The following SSBP3 variants were observed in gnomAD, a reference collection of about 807,000 sequenced individuals.
The protein encoded by SSBP3 is single stranded DNA binding protein 3.
A neutral mutation model predicts 69.6 loss-of-function variants in SSBP3; 5 were observed. The observed-to-expected ratio is 0.07, with a 90% CI of 0.04 to 0.15. SSBP3 has a LOEUF of 0.15. Ranked by LOEUF, SSBP3 falls within the 10% of genes least tolerant of loss-of-function variation. The pLI, the probability that SSBP3 is intolerant of heterozygous loss-of-function variation, is 1.00. For missense variants in SSBP3, 312 were observed against 534.0 expected, an observed-to-expected ratio of 0.58 and a Z score of 4.10; for synonymous variants, 196 against 193.4, an observed-to-expected ratio of 1.01 and a Z score of -0.11.
rs1557525437 is a variant in SSBP3 at position 54,316,668 on chromosome 1, ATAAATAAATAAAT to A, written c.277-35154_277-35142del. 7.2e-3 allele frequency among the ~76,000 whole-genome samples: 327 copies of A among 45,500 alleles called. 12 individuals carry two copies. The highest frequency in any genetic ancestry group is 8.7e-3 in the Non-Finnish European group (225 of 25,748). The allele number at this position is 45,500 out of a possible 152,430, so 29.8% of individuals were successfully genotyped here. ...GTCTCAAAAAAAAAAAATAAAATAAATAAATAAATAAATAAATAAATAAATAAATAAATAAATA... is the reference window on the plus strand; with the variant it reads ...GTCTCAAAAAAAAAAAATAAAATAAAAAATAAATAAATAAATAAATAAATA... On this transcript the variant is annotated intron_variant, in intron 4 of 17. Coordinates refer to ENST00000610401, the Ensembl canonical transcript of SSBP3.
chr1:54,354,381 CAATGGA>C (rs1646830051), intron 4 of SSBP3, among the ~76,000 whole-genome samples: 2 of 152,216 alleles, frequency 1.3e-5, no homozygotes, highest in African/African-American at 4.8e-5. Context: ...CTGGGACCCT[CAATGGA>C]CTCTGAGGGT....
intron 4 of SSBP3, among the ~76,000 whole-genome samples, chr1:54,354,475 G>T (rs1430254322): frequency 3.3e-5 from 5 of 152,116 alleles, no homozygotes; most frequent in Admixed American, 2.0e-4. Context: ...GGCCCTGCTG[G>T]ATCCTAGAGC....
chr1:54,352,877 A>G (rs1351888325), intron 4 of SSBP3, among the ~76,000 whole-genome samples: 2 of 152,162 alleles, frequency 1.3e-5, no homozygotes, highest in African/African-American at 4.8e-5. Context: ...AACACAATCC[A>G]TGGGGCTCAA....
intron 4 of SSBP3, among the ~76,000 whole-genome samples, chr1:54,369,223 G>GA (rs1016967309): frequency 6.6e-6 from 1 of 150,588 alleles, no homozygotes; most frequent in Non-Finnish European, 1.5e-5. Context: ...TGAGTCGGGG[G>GA]GGGGGCCCAA....
At chr1:54,412,097 A>G (rs1650007994) in intron 1 of SSBP3, among the ~76,000 whole-genome samples, 1 of 152,048 alleles carries the variant, frequency 6.6e-6, no homozygotes, top group African/African-American at 2.4e-5. Flanking sequence ...CTCCAAGGTA[A>G]AGGCTTCACT....
intron 5 of SSBP3, among the ~76,000 whole-genome samples, chr1:54,265,294 G>A (rs1326460363): frequency 6.6e-6 from 1 of 152,202 alleles, no homozygotes; most frequent in African/African-American, 2.4e-5. Context: ...TTGGAGAGGG[G>A]TTGTGTGAAG....
chr1:54,241,604 A>G, intron 11 of SSBP3, 95 bp from the exon 12 acceptor site: 2 of 1,355,568 alleles, frequency 1.5e-6, no homozygotes, highest in Non-Finnish European at 2.1e-6. Flanking sequence ...TTCACAGGAA[A>G]GGCATCGCCA....
intron 4 of SSBP3, among the ~76,000 whole-genome samples, chr1:54,357,551 C>G (rs1198178569): frequency 6.6e-6 from 1 of 152,214 alleles, no homozygotes; most frequent in East Asian, 1.9e-4. Context: ...ACCACCTCCA[C>G]CTCTCCCCCA....
intron 5 of SSBP3, among the ~76,000 whole-genome samples, chr1:54,262,180 G>A (rs1290017061): frequency 6.6e-6 from 1 of 152,164 alleles, no homozygotes; most frequent in Non-Finnish European, 1.5e-5. Context: ...ATAACAGGGA[G>A]CGTGGCCTCT....
upstream of SSBP3, chr1:54,406,525 T>A (rs1363639045): frequency 6.6e-6 from 1 of 151,832 alleles, no homozygotes; most frequent in African/African-American, 2.4e-5. Context: ...AGGGACGCCC[T>A]GACAGCGCCG....
chr1:54,312,496 A>C (rs1269454426), intron 4 of SSBP3, among the ~76,000 whole-genome samples: 1 of 151,934 alleles, frequency 6.6e-6, no homozygotes, highest in African/African-American at 2.4e-5. Flanking sequence ...GCTGAGGCAG[A>C]AGAACTGCTT....
chr1:54,301,774 A>T (rs1164232277), intron 4 of SSBP3, among the ~76,000 whole-genome samples: 1 of 152,096 alleles, frequency 6.6e-6, no homozygotes, highest in Admixed American at 6.5e-5. Flanking sequence ...CCACCACCCT[A>T]GGTTCCGGGG....
chr1:54,340,049 A>C (rs886491298), intron 4 of SSBP3, among the ~76,000 whole-genome samples: 8 of 152,188 alleles, frequency 5.3e-5, no homozygotes, highest in Non-Finnish European at 5.9e-5. Flanking sequence ...CTTCTTTCTT[A>C]ACACACCTTT....
intron 4 of SSBP3, among the ~76,000 whole-genome samples, chr1:54,340,000 G>A (rs1427182235): frequency 6.6e-6 from 1 of 151,998 alleles, no homozygotes; most frequent in Non-Finnish European, 1.5e-5. Flanking sequence ...TGGAAGGGAG[G>A]GTGGGGTAGG....
At chr1:54,237,823 C>A (rs977530505) in intron 14 of SSBP3, 2 of 276,310 alleles carry the variant, frequency 7.2e-6, no homozygotes, top group Non-Finnish European at 1.4e-5. Context: ...TGCTAACATG[C>A]ATGACTGCAG....
exon 14 of SSBP3, chr1:54,239,167 T>C: frequency 6.2e-7 from 1 of 1,614,066 alleles, no homozygotes; most frequent in Admixed American, 1.7e-5. Context: ...GGATTAATCA[T>C]TGTGTAGATG....
rs566877875 is a variant in SSBP3 at position 54,312,291 on chromosome 1, T to TA, written c.277-30765dup. Among the ~76,000 whole-genome samples the TA allele has an allele frequency of 3.6e-3, 503 of 139,306 alleles. 3 individuals are homozygous for TA. The highest frequency in any genetic ancestry group is 0.028 in the South Asian group (121 of 4,308). The allele number at this position is 139,306 out of a possible 152,430, so 91.4% of individuals were successfully genotyped here. A position where few individuals can be genotyped will look rare whatever the true frequency, so the allele number is the denominator to read the frequency against. ...GTGACAGGGTGAGATACTCTCTCTT[T>TA]AAAAAAAAAAAAAAGAGGCCGGACA... On this transcript the variant is annotated intron_variant, in intron 4 of 17. Coordinates refer to ENST00000610401, the Ensembl canonical transcript of SSBP3.
intron 4 of SSBP3, among the ~76,000 whole-genome samples, chr1:54,308,451 A>G (rs558617828): frequency 6.6e-6 from 1 of 152,282 alleles, no homozygotes; most frequent in African/African-American, 2.4e-5. Context: ...AATACAAAAA[A>G]TTAGCCAGGC....
At chr1:54,320,656 G>T (rs762574242) in intron 4 of SSBP3, among the ~76,000 whole-genome samples, 1 of 152,206 alleles carries the variant, frequency 6.6e-6, no homozygotes, top group Non-Finnish European at 1.5e-5. Flanking sequence ...AGTCCTGAGA[G>T]GTGGGAAGGA....
Sources: allele counts gnomAD v4.1 joint callset (sites outside exome capture counted in the v4.1 genomes callset), GRCh38; gene constraint gnomAD v4.1.1; transcripts MANE v1.5; gene names NCBI Gene and HGNC (gene_info 2026-07-23, HGNC 2026-07-21).